The following FN1 variants were observed in gnomAD, a reference collection of about 807,000 sequenced individuals.
The protein encoded by FN1 is fibronectin 1.
A neutral mutation model predicts 297.3 loss-of-function variants in FN1; 106 were observed. The observed-to-expected ratio is 0.36, with a 90% confidence interval of 0.30 to 0.42. FN1 has a LOEUF of 0.42. FN1 is among the 10% of genes least tolerant of loss of function. The pLI, the probability that FN1 is intolerant of heterozygous loss-of-function variation, is 1.00. For missense variants in FN1, 2,690 were observed against 3,124.9 expected (o/e 0.86, Z 3.32); for synonymous variants, 1,149 against 1,152.6 (o/e 1.00, Z 0.06).
chr2:215,416,019 C>T (rs1202957964), intron 12 of FN1, among the ~76,000 whole-genome samples: 4 of 152,014 alleles, frequency 2.6e-5, no homozygotes, highest in Admixed American at 2.6e-4. Context: ...AAGCACTTCA[C>T]CAGATTATTA....
intron 33 of FN1, chr2:215,380,215 CA>C (rs2058014066): frequency 6.5e-6 from 1 of 153,450 alleles, no homozygotes; most frequent in Non-Finnish European, 1.5e-5. Flanking sequence ...TACAGACTGT[CA>C]CCTCTAGGGT....
At position 215,434,687 on chromosome 2, in the gene FN1, G is replaced by A; in HGVS notation, c.277+9C>T. 1 of 1,614,100 alleles carries A rather than the reference G, an allele frequency of 6.2e-7. No individual in the cohort carries two copies. Among genetic ancestry groups the A allele is most frequent in the Non-Finnish European group, 8.5e-7 (1 of 1,180,010 alleles). The stretch of plus-strand genomic sequence containing the variant: ...AAAGATACTAACTATGGGGCTTGTT[G>A]TCACTTACCTTCAGGTTTACTCTCG... On this transcript the variant is annotated intron_variant, in intron 2 of 45. Coordinates refer to ENST00000354785, the MANE Select transcript of FN1 (RefSeq NM_212482.4).
chr2:215,427,020 C>T (rs964799700), intron 6 of FN1, among the ~76,000 whole-genome samples: 5 of 151,646 alleles, frequency 3.3e-5, no homozygotes, highest in East Asian at 1.9e-4. Context: ...GGACTACAGG[C>T]GCCCGCCACA....
intron 45 of FN1, 46 bp from the exon 46 acceptor site, chr2:215,361,672 A>C: frequency 7.1e-7 from 1 of 1,414,628 alleles, no homozygotes; most frequent in Non-Finnish European, 1.0e-6. Flanking sequence ...CAAATACTGT[A>C]AAGTGTACAG....
chr2:215,427,893 A>G (rs552113826), intron 6 of FN1, among the ~76,000 whole-genome samples: 30 of 152,264 alleles, frequency 2.0e-4, no homozygotes, highest in African/African-American at 6.7e-4. Flanking sequence ...ATCCATGGTA[A>G]GTTTTATGAT....
At position 215,388,327 on chromosome 2, in the gene FN1, T is replaced by G. The variant is rs374049580; in HGVS notation, c.4253-26A>C. ...CTGTAGGGGCAAATGGGGCTTATTT[T>G]AAAACTCTGCTCAAAAGCATGAGAA... On this transcript the variant is annotated intron_variant, in intron 26 of 45. Coordinates refer to ENST00000354785, the MANE Select transcript of FN1 (RefSeq NM_212482.4). 7 of 1,522,122 alleles carry G rather than the reference T, an allele frequency of 4.6e-6. No individual in the cohort carries two copies. The African/African-American group carries it at 9.6e-5, about 21-fold the overall frequency. 94.3% of individuals were successfully genotyped at this position (1,522,122 alleles called of 1,614,324 possible).
intron 10 of FN1, 96 bp downstream of exon 10, chr2:215,421,995 C>G: frequency 8.7e-7 from 1 of 1,150,648 alleles, no homozygotes; most frequent in Non-Finnish European, 1.3e-6. Context: ...CATATTTCTT[C>G]CCCTGCTTTT....
intron 33 of FN1, chr2:215,379,855 G>C (rs1460654893): frequency 6.5e-6 from 1 of 154,382 alleles, no homozygotes; most frequent in East Asian, 1.9e-4. Flanking sequence ...ACCACACCTC[G>C]CTAATTTTTT....
rs1388442820 is a variant in FN1, at chr2:215,399,258, T to G, written c.3347A>C (p.Lys1116Thr). 1.9e-6 allele frequency: 3 copies of G among 1,611,000 alleles called. No individual in the cohort carries two copies. The highest frequency in any genetic ancestry group is 2.2e-5 in the South Asian group (2 of 91,008). The change falls in exon 21 of 46, where the codon AAG becomes ACG. Residue 1116 changes from lysine (K) to threonine (T), a missense_variant and splice_region_variant. Around this residue, in one of 3 missense-constraint regions of FN1, gnomAD observed 1,743 missense variants for 1,945.2 expected, o/e 0.90. Coordinates refer to ENST00000354785, the MANE Select transcript of FN1 (RefSeq NM_212482.4). The part of the protein sequence containing the change: ...TWTPAPRIGF[K>T]LGVRPSQGGE... Reference sequence around the variant, plus strand: ...AGATTAGGAACATCTGCAGTTTACCTTAAAACCAATTCTTGGAGCAGGCGT... The same window carrying G: ...AGATTAGGAACATCTGCAGTTTACCGTAAAACCAATTCTTGGAGCAGGCGT...
At chr2:215,392,136 T>A (rs1216304928) in intron 25 of FN1, 12 of 323,758 alleles carry the variant, frequency 3.7e-5, no homozygotes, top group African/African-American at 2.6e-4. Context: ...CGAAGAGGCT[T>A]AAGTTGCCAC....
Position 215,367,673 on chromosome 2 carries a change from T to C in FN1, c.7018+190A>G, listed in dbSNP as rs1575200233. ...GCATACAACCCTTGAAATGAAGCAATGTCCAACAAGTAAAATTTCCCATCA... is the reference window on the plus strand; with the variant it reads ...GCATACAACCCTTGAAATGAAGCAACGTCCAACAAGTAAAATTTCCCATCA... On this transcript the variant is annotated intron_variant, in intron 42 of 45. Coordinates refer to ENST00000354785, the MANE Select transcript of FN1 (RefSeq NM_212482.4). 7.7e-6 allele frequency: 5 copies of C among 645,422 alleles called. No homozygotes were observed. In the East Asian group the frequency reaches 1.4e-4, roughly 18 times the overall value. 40.0% of individuals were successfully genotyped at this position (645,422 alleles called of 1,614,324 possible).
At chr2:215,391,933 A>G in intron 25 of FN1, 119 bp from the exon 26 acceptor site, 4 of 837,938 alleles carry the variant, frequency 4.8e-6, no homozygotes, top group Non-Finnish European at 7.9e-6. Flanking sequence ...ATAATCATGC[A>G]AACAGTCTAA....
At chr2:215,415,341 C>G (rs2063293955) in intron 12 of FN1, among the ~76,000 whole-genome samples, 1 of 152,038 alleles carries the variant, frequency 6.6e-6, no homozygotes, top group African/African-American at 2.4e-5. Context: ...TTGTATTGAG[C>G]CTCTTTTAAA....
chr2:215,413,572 T>C (rs1473389772), intron 13 of FN1, among the ~76,000 whole-genome samples: 2 of 152,164 alleles, frequency 1.3e-5, no homozygotes, highest in African/African-American at 4.8e-5. Context: ...CTCAATCCCA[T>C]CCTCATCTTT....
rs544583854 is a variant in FN1, at chr2:215,391,217, AAATC to A, written c.4252+411_4252+414del. Reference sequence around the variant, plus strand: ...TCACTTTTCTAAGTATTCAAATCCTAAATCAATCAACTGCTGACACTTTTTTTAT... The same window carrying A: ...TCACTTTTCTAAGTATTCAAATCCTAAATCAACTGCTGACACTTTTTTTAT... On this transcript the variant is annotated intron_variant, in intron 26 of 45. Transcript: ENST00000354785. 3.7e-4 allele frequency among the ~76,000 whole-genome samples: 57 copies of A among 152,334 alleles called. No individual in the cohort carries two copies. In the East Asian group the frequency reaches 8.9e-3, roughly 24 times the overall value.
rs5838511 is a variant in FN1 at position 215,410,130 on chromosome 2, A to AACACACAC, written c.1942-24_1942-17dup. The AACACACAC allele has an allele frequency of 1.5e-5, 22 of 1,423,316 alleles. No homozygotes were observed. Among genetic ancestry groups the AACACACAC allele is most frequent in the African/African-American group, 4.2e-5 (3 of 71,184 alleles). 88.2% of individuals were successfully genotyped at this position (1,423,316 alleles called of 1,614,324 possible). A position where few individuals can be genotyped will look rare whatever the true frequency, so the allele number is the denominator to read the frequency against. ...CAGAATTTTTCTGAAAATTTAAATT[A>AACACACAC]ACACACACACACACACACACACGTG... On this transcript the variant is annotated splice_polypyrimidine_tract_variant and intron_variant, in intron 13 of 45. Transcript: ENST00000354785.
chr2:215,386,095 T>TTTTTTTA (rs2058941117), intron 28 of FN1, among the ~76,000 whole-genome samples: 1 of 144,356 alleles, frequency 6.9e-6, no homozygotes. Flanking sequence ...TTTTTTTTTT[T>TTTTTTTA]GAGACAGGGT....
chr2:215,368,138 C>T, intron 41 of FN1, 111 bp from the exon 42 acceptor site: 2 of 1,187,218 alleles, frequency 1.7e-6, no homozygotes, highest in Non-Finnish European at 2.4e-6. Context: ...ACAAGAATTC[C>T]AGGAGGATTA....
At position 215,361,003 on chromosome 2, in the gene FN1, T is replaced by C. The variant is rs6782; in HGVS notation, c.*552A>G. On this transcript the variant is annotated 3_prime_UTR_variant, in exon 46 of 46. Coordinates refer to ENST00000354785, the MANE Select transcript of FN1 (RefSeq NM_212482.4). ...TGCATACTAAGTGTTTTCAATACAA[T>C]TTTTTCCGTATAAAAATACTGGGAA... is the stretch of plus-strand genomic sequence containing the variant. 5,411 of 156,638 alleles carry C rather than the reference T, an allele frequency of 0.035. 321 individuals are homozygous for C. The highest frequency in any genetic ancestry group is 0.13 in the African/African-American group (5,135 of 40,942). 9.7% of individuals were successfully genotyped at this position (156,638 alleles called of 1,614,324 possible). A position where few individuals can be genotyped will look rare whatever the true frequency, so the allele number is the denominator to read the frequency against.
Sources: gnomAD v4.1 joint callset for allele counts (sites outside exome capture counted in the v4.1 genomes callset) on GRCh38, gnomAD v4.1.1 for gene constraint, gnomAD v4.1.1 regional missense constraint, MANE v1.5 for transcripts, NCBI Gene and HGNC (gene_info 2026-07-23, HGNC 2026-07-21) for gene names.